COL6A6: variants seen among roughly 807,000 people sequenced by gnomAD.
The protein encoded by COL6A6 is collagen type VI alpha 6 chain.
Under a neutral mutation model 208.6 loss-of-function variants are expected in COL6A6, and 183 were observed. That is an observed-to-expected ratio of 0.88 (90% CI 0.78 to 0.99). COL6A6 has a LOEUF of 0.99. Among genes scored for constraint, COL6A6 ranks in the 50% least tolerant of loss-of-function variants. COL6A6 has a pLI of 0.00. For missense variants in COL6A6, 2,816 were observed against 2,815.2 expected (o/e 1.00, Z -0.01); for synonymous variants, 973 against 1,011.8 (o/e 0.96, Z 0.73).
At chr3:130,566,370 A>G (rs958953244) in intron 4 of COL6A6, among the ~76,000 whole-genome samples, 1 of 152,174 alleles carries the variant, frequency 6.6e-6, no homozygotes, top group African/African-American at 2.4e-5. Context: ...CCATTTCCCA[A>G]CACACTACTT....
At chr3:130,563,003 G>A in intron 2 of COL6A6, 65 bp from the exon 3 acceptor site, 1 of 1,142,436 alleles carries the variant, frequency 8.8e-7, no homozygotes, top group African/African-American at 1.5e-5. Flanking sequence ...CCATAGAGTT[G>A]GCATTAAATA....
At chr3:130,594,635 C>T (rs944248129) in intron 18 of COL6A6, among the ~76,000 whole-genome samples, 2 of 152,200 alleles carry the variant, frequency 1.3e-5, no homozygotes, top group Non-Finnish European at 2.9e-5. Context: ...TCATTATCTT[C>T]CAAGCACCTC....
At chr3:130,617,937 G>C (rs140099327) in intron 23 of COL6A6, among the ~76,000 whole-genome samples, 1 of 152,106 alleles carries the variant, frequency 6.6e-6, no homozygotes, top group Non-Finnish European at 1.5e-5. Flanking sequence ...TCAAATAATC[G>C]TTAACCTCTA....
chr3:130,585,538 G>T (rs964843896), intron 10 of COL6A6, among the ~76,000 whole-genome samples: 28 of 152,158 alleles, frequency 1.8e-4, no homozygotes, highest in African/African-American at 6.0e-4. Context: ...ATGACTGTCA[G>T]ATTTATTACC....
At chr3:130,518,153 A>G (rs1362988785) in intron 1 of COL6A6, among the ~76,000 whole-genome samples, 1 of 152,166 alleles carries the variant, frequency 6.6e-6, no homozygotes, top group Non-Finnish European at 1.5e-5. Context: ...CTCTATGGAT[A>G]TATTTAAAGA....
At chr3:130,602,848 T>A (rs1307935843) in intron 20 of COL6A6, among the ~76,000 whole-genome samples, 1 of 152,160 alleles carries the variant, frequency 6.6e-6, no homozygotes, top group Non-Finnish European at 1.5e-5. Context: ...ATTTAAAAAT[T>A]TTTTTCTGTA....
chr3:130,567,112 A>C lies in COL6A6; in HGVS notation c.1693A>C (p.Ile565Leu). Residue 565 changes from isoleucine to leucine, a missense_variant, in exon 5 of 37, where the codon ATC becomes CTC. Coordinates refer to ENST00000358511, the MANE Select transcript of COL6A6 (RefSeq NM_001102608.3). Reference sequence around the variant, plus strand: ...TGCAAACAGACTGAGAGAAGAGCACATCCGAGTTTATGCTATCGGGATCAA... The same window carrying C: ...TGCAAACAGACTGAGAGAAGAGCACCTCCGAGTTTATGCTATCGGGATCAA... ...EPANRLREEHIRVYAIGIKEA... is the reference protein window; with the variant it reads ...EPANRLREEHLRVYAIGIKEA... The C allele has an allele frequency of 6.2e-7, 1 of 1,614,028 alleles. No individual in the cohort carries two copies. Among genetic ancestry groups the C allele is most frequent in the Non-Finnish European group, 8.5e-7 (1 of 1,179,882 alleles).
intron 33 of COL6A6, among the ~76,000 whole-genome samples, chr3:130,653,080 G>A (rs1347169122): frequency 6.6e-6 from 1 of 152,164 alleles, no homozygotes; most frequent in Non-Finnish European, 1.5e-5. Flanking sequence ...TTTTTTAATG[G>A]AAAAACATGT....
At chr3:130,565,653 T>C in intron 4 of COL6A6, 39 bp downstream of exon 4, 1 of 1,550,680 alleles carries the variant, frequency 6.4e-7, no homozygotes. Context: ...TTTGGATTCT[T>C]TTTTTCTTCT....
intron 1 of COL6A6, among the ~76,000 whole-genome samples, chr3:130,558,935 C>T (rs2062823692): frequency 6.6e-6 from 1 of 152,126 alleles, no homozygotes; most frequent in Admixed American, 6.6e-5. Flanking sequence ...GATGTGGGTT[C>T]TAGTCTAAAT....
intron 24 of COL6A6, among the ~76,000 whole-genome samples, chr3:130,622,692 C>G (rs1275332778): frequency 6.6e-6 from 1 of 151,748 alleles, no homozygotes; most frequent in Non-Finnish European, 1.5e-5. Context: ...CCCATCTCTA[C>G]TAAAAATTCA....
intron 31 of COL6A6, among the ~76,000 whole-genome samples, chr3:130,643,943 G>A (rs2065390855): frequency 6.6e-6 from 1 of 152,176 alleles, no homozygotes; most frequent in African/African-American, 2.4e-5. Context: ...TATACATTGA[G>A]TCATGAAGAT....
chr3:130,649,287 A>C lies in COL6A6; in HGVS notation c.5458A>C (p.Lys1820Gln). 1.2e-6 allele frequency: 2 copies of C among 1,605,160 alleles called. No homozygotes were observed. The highest frequency in any genetic ancestry group is 1.7e-6 in the Non-Finnish European group (2 of 1,175,932). ...CCTTGTGCGCTTCTCAGACGCCTAC[A>C]AGAAGAGTCAACTTCTCAGAGAAAT... ...RHLVRFSDAYKKSQLLREIET... is the reference protein window; with the variant it reads ...RHLVRFSDAYQKSQLLREIET... Residue 1820 changes from lysine to glutamine, a missense_variant, in exon 33 of 37, where the codon AAG (lysine) becomes CAG (glutamine). By Grantham distance (53) the Lys-to-Gln change is moderately conservative. Coordinates refer to ENST00000358511, the MANE Select transcript of COL6A6 (RefSeq NM_001102608.3).
At chr3:130,577,270 A>G (rs886320144) in intron 8 of COL6A6, among the ~76,000 whole-genome samples, 1 of 152,136 alleles carries the variant, frequency 6.6e-6, no homozygotes, top group African/African-American at 2.4e-5. Flanking sequence ...AGGAAGTAAG[A>G]CTAAGCACAT....
At chr3:130,597,485 T>G (rs2063885155) in intron 18 of COL6A6, among the ~76,000 whole-genome samples, 1 of 152,238 alleles carries the variant, frequency 6.6e-6, no homozygotes, top group Admixed American at 6.5e-5. Flanking sequence ...AATTACTTAT[T>G]GATTGATGAA....
intron 1 of COL6A6, among the ~76,000 whole-genome samples, chr3:130,531,923 A>T (rs970227103): frequency 6.6e-6 from 1 of 152,212 alleles, no homozygotes; most frequent in Non-Finnish European, 1.5e-5. Context: ...CTCAAAGAAA[A>T]ACCATGCCTT....
At chr3:130,593,863 C>G (rs1379141611) in intron 17 of COL6A6, among the ~76,000 whole-genome samples, 1 of 152,096 alleles carries the variant, frequency 6.6e-6, no homozygotes, top group Non-Finnish European at 1.5e-5. Context: ...TCCCTCATGC[C>G]CACCTAGAAT....
chr3:130,565,379 A>C lies in COL6A6; in HGVS notation c.1047A>C (p.Thr349=). The stretch of plus-strand genomic sequence containing the variant: ...ACCGAGATTCAGAAGACAACGTGAC[A>C]AAAGCAGCTGTTAACCTCCGACGGG... ...VTHRDSEDNV[T]KAAVNLRREG... is the part of the protein sequence containing the mutation. Residue 349 remains threonine (T), a synonymous_variant, in exon 4 of 37, where the codon ACA becomes ACC. Transcript: ENST00000358511. The C allele has an allele frequency of 6.2e-7, 1 of 1,613,960 alleles. No individual in the cohort carries two copies. The highest frequency in any genetic ancestry group is 8.5e-7 in the Non-Finnish European group (1 of 1,179,880).
chr3:130,521,198 C>A (rs1711050941), intron 1 of COL6A6, among the ~76,000 whole-genome samples: 1 of 152,154 alleles, frequency 6.6e-6, no homozygotes, highest in Admixed American at 6.5e-5. Context: ...AGTTAGTTGG[C>A]AAAGGCATTT....
Sources: allele counts gnomAD v4.1 joint callset (sites outside exome capture counted in the v4.1 genomes callset), GRCh38; gene constraint gnomAD v4.1.1; transcripts MANE v1.5; gene names NCBI Gene and HGNC (gene_info 2026-07-23, HGNC 2026-07-21).